ARSB: variants seen among roughly 807,000 people sequenced by gnomAD.
ARSB encodes the protein N-acetylgalactosamine-4-sulfatase.
A neutral mutation model predicts 50.9 loss-of-function variants in ARSB; 41 were observed. The observed-to-expected ratio is 0.81, with a 90% CI of 0.63 to 1.04. The LOEUF is 1.04. Ranked by LOEUF, ARSB falls within the 50% of genes least tolerant of loss-of-function variation. The probability of loss-of-function intolerance (pLI) is 0.00; values close to 1 mark genes in which losing one functional copy is unlikely to be tolerated. For synonymous variants in ARSB, 269 were observed against 284.8 expected (o/e 0.94, Z 0.56); for missense variants, 672 against 693.3 (o/e 0.97, Z 0.35).
intron 1 of ARSB, among the ~76,000 whole-genome samples, chr5:78,980,897 A>T (rs1580162698): frequency 6.6e-6 from 1 of 152,052 alleles, no homozygotes; most frequent in East Asian, 1.9e-4. Context: ...GGCTGTGGGA[A>T]GGCCCCTAGC....
Position 78,955,404 on chromosome 5 carries a change from C to A in ARSB, c.789G>T (p.Arg263Ser). ...KPYDFIQDKNRHHYAGMVSLM... is the reference protein window; with the variant it reads ...KPYDFIQDKNSHHYAGMVSLM... Reference sequence around the variant, plus strand: ...GGGACACCATTCCTGCATAGTGATGCCTGTTCTTGTCTTGGATAAAGTCAT... The same window carrying A: ...GGGACACCATTCCTGCATAGTGATGACTGTTCTTGTCTTGGATAAAGTCAT... Residue 263 changes from arginine (R) to serine (S), a missense_variant, in exon 4 of 8, where the codon AGG becomes AGT. Physicochemically the swap from Arg to Ser is moderately radical, Grantham distance 110. Coordinates refer to ENST00000264914, the MANE Select transcript of ARSB (RefSeq NM_000046.5). 1.2e-6 allele frequency: 2 copies of A among 1,614,168 alleles called. No homozygotes were observed. Among genetic ancestry groups the A allele is most frequent in the South Asian group, 2.2e-5 (2 of 91,076 alleles).
chr5:78,861,385 C>T (rs1469568753), intron 5 of ARSB, among the ~76,000 whole-genome samples: 4 of 152,198 alleles, frequency 2.6e-5, no homozygotes, highest in Non-Finnish European at 5.9e-5. Flanking sequence ...CAAACCGAAT[C>T]CAGCAGCACA....
intron 6 of ARSB, among the ~76,000 whole-genome samples, chr5:78,809,787 C>T (rs977272891): frequency 1.3e-5 from 2 of 152,268 alleles, no homozygotes; most frequent in African/African-American, 2.4e-5. Flanking sequence ...TTGCCCTCTC[C>T]ACTGCGGGCC....
At chr5:78,793,439 T>C (rs528385291) in intron 6 of ARSB, among the ~76,000 whole-genome samples, 5 of 152,332 alleles carry the variant, frequency 3.3e-5, no homozygotes, top group African/African-American at 1.2e-4. Flanking sequence ...CTAATTGGCA[T>C]TTTTATTTAA....
At chr5:78,938,078 C>G (rs928080401) in intron 4 of ARSB, among the ~76,000 whole-genome samples, 1 of 152,134 alleles carries the variant, frequency 6.6e-6, no homozygotes, top group Non-Finnish European at 1.5e-5. Context: ...TGGCAGGAGG[C>G]CTGCCCATGC....
chr5:78,863,273 T>G (rs1317693386), intron 5 of ARSB, among the ~76,000 whole-genome samples: 1 of 152,090 alleles, frequency 6.6e-6, no homozygotes, highest in Non-Finnish European at 1.5e-5. Context: ...ACCCAAAGGA[T>G]TATAAATCAT....
chr5:78,901,310 C>T (rs76684389), intron 4 of ARSB, among the ~76,000 whole-genome samples: 7,227 of 152,052 alleles, frequency 0.048, 258 homozygotes, highest in East Asian at 0.14. Flanking sequence ...AGGAGGGAGA[C>T]GGGGGATTAC....
intron 5 of ARSB, among the ~76,000 whole-genome samples, chr5:78,844,372 G>A (rs952137452): frequency 1.4e-4 from 21 of 152,196 alleles, no homozygotes; most frequent in African/African-American, 4.1e-4. Context: ...TCATTTGCTC[G>A]TATTTTAATG....
At chr5:78,780,738 G>A in intron 7 of ARSB, 76 bp from the exon 8 acceptor site, 2 of 1,557,744 alleles carry the variant, frequency 1.3e-6, no homozygotes, top group African/African-American at 1.4e-5. Context: ...GGAGTCTGAG[G>A]CCAAGGCTGC....
intron 5 of ARSB, among the ~76,000 whole-genome samples, chr5:78,855,962 C>T (rs931342098): frequency 6.6e-6 from 1 of 152,138 alleles, no homozygotes; most frequent in African/African-American, 2.4e-5. Flanking sequence ...TGTGCTCCTC[C>T]TCAGTTATTT....
At chr5:78,795,229 CCCAG>C (rs1489226412) in intron 6 of ARSB, among the ~76,000 whole-genome samples, 47 of 152,332 alleles carry the variant, frequency 3.1e-4, no homozygotes, top group African/African-American at 1.1e-3. Context: ...TATGCAGCTG[CCCAG>C]CAGAGGTGGC....
At chr5:78,955,111 G>T (rs1194111544) in intron 4 of ARSB, among the ~76,000 whole-genome samples, 184 bp downstream of exon 4, 1 of 152,204 alleles carries the variant, frequency 6.6e-6, no homozygotes, top group South Asian at 2.1e-4. Context: ...GAGGGAACGG[G>T]GGAAGCCCAT....
chr5:78,820,075 C>T (rs895047394), intron 6 of ARSB, among the ~76,000 whole-genome samples: 4 of 152,164 alleles, frequency 2.6e-5, no homozygotes, highest in Non-Finnish European at 5.9e-5. Context: ...TCCCTTTTCC[C>T]CTTTTGTCCC....
At chr5:78,934,664 C>G (rs958654499) in intron 4 of ARSB, among the ~76,000 whole-genome samples, 7 of 152,092 alleles carry the variant, frequency 4.6e-5, no homozygotes, top group Non-Finnish European at 8.8e-5. Context: ...ATGGTGGGCA[C>G]CTGTAATCCC....
intron 5 of ARSB, among the ~76,000 whole-genome samples, chr5:78,840,445 A>G (rs35516119): frequency 0.36 from 54,159 of 152,068 alleles, 11,203 homozygotes; most frequent in Admixed American, 0.48. Flanking sequence ...TCAATGCCCA[A>G]TACAATTTCA....
chr5:78,862,611 TA>T (rs1746499558), intron 5 of ARSB, among the ~76,000 whole-genome samples: 1 of 152,158 alleles, frequency 6.6e-6, no homozygotes, highest in East Asian at 1.9e-4. Flanking sequence ...CAAGATGGAT[TA>T]AAGACTTAAA....
chr5:78,786,580 A>C (rs1749086010), intron 6 of ARSB, among the ~76,000 whole-genome samples: 1 of 152,228 alleles, frequency 6.6e-6, no homozygotes, highest in African/African-American at 2.4e-5. Flanking sequence ...GAGTAACTGC[A>C]GAGCATTAAA....
chr5:78,937,793 A>G (rs1353623517), intron 4 of ARSB, among the ~76,000 whole-genome samples: 1 of 152,112 alleles, frequency 6.6e-6, no homozygotes, highest in East Asian at 1.9e-4. Flanking sequence ...TTCCAAAATG[A>G]TAACACAGAC....
intron 6 of ARSB, among the ~76,000 whole-genome samples, chr5:78,830,359 G>C (rs905930682): frequency 7.9e-5 from 12 of 152,212 alleles, no homozygotes; most frequent in Admixed American, 7.9e-4. Flanking sequence ...CAGATGCAGG[G>C]CCAGGCCAAG....
Sources: gnomAD v4.1 joint callset for allele counts (sites outside exome capture counted in the v4.1 genomes callset) on GRCh38, gnomAD v4.1.1 for gene constraint, MANE v1.5 for transcripts, NCBI Gene and HGNC (gene_info 2026-07-23, HGNC 2026-07-21) for gene names.